Variants in PKM observed in about 807,000 individuals in gnomAD.
PKM encodes pyruvate kinase PKM.
In PKM, 18 loss-of-function variants were observed where a neutral mutation model predicts 49.8. The observed-to-expected ratio is 0.36, with a 90% CI of 0.25 to 0.54. The LOEUF (loss-of-function observed/expected upper bound fraction) is 0.54, where lower values mean the gene tolerates loss of function less well. Ranked by LOEUF, PKM falls within the 20% of genes least tolerant of loss-of-function variation. The probability of loss-of-function intolerance (pLI) is 0.89; values close to 1 mark genes in which losing one functional copy is unlikely to be tolerated. For synonymous variants in PKM, 239 were observed against 261.8 expected, an observed-to-expected ratio of 0.91 and a Z score of 0.84; for missense variants, 508 against 713.8, an observed-to-expected ratio of 0.71 and a Z score of 3.28.
At chr15:72,207,930 A>G (rs1342017595) in intron 6 of PKM, among the ~76,000 whole-genome samples, 2 of 152,252 alleles carry the variant, frequency 1.3e-5, no homozygotes, top group Non-Finnish European at 2.9e-5. Context: ...CTAATCCACA[A>G]GAGTGTGTCT....
chr15:72,225,067 G>T (rs1310007684), intron 1 of PKM, among the ~76,000 whole-genome samples: 1 of 147,296 alleles, frequency 6.8e-6, no homozygotes, highest in African/African-American at 2.5e-5. Flanking sequence ...GACTACAGGC[G>T]CCCGCCACCA....
intron 1 of PKM, chr15:72,228,694 GC>G: frequency 8.9e-7 from 1 of 1,123,234 alleles, no homozygotes; most frequent in Non-Finnish European, 1.2e-6. Context: ...CCACAAGACA[GC>G]CCACTCCTGC....
intron 8 of PKM, chr15:72,203,248 C>T (rs781756693): frequency 7.1e-5 from 101 of 1,421,776 alleles, no homozygotes; most frequent in East Asian, 2.5e-4. Flanking sequence ...AAAAACGAGA[C>T]ACAACACATG....
chr15:72,228,124 G>A (rs1175710096), intron 1 of PKM, among the ~76,000 whole-genome samples: 1 of 152,226 alleles, frequency 6.6e-6, no homozygotes, highest in Non-Finnish European at 1.5e-5. Context: ...GAAAGCAGTT[G>A]TGCTAGACAG....
chr15:72,221,274 G>A (rs1176866237), intron 1 of PKM: 2 of 1,530,888 alleles, frequency 1.3e-6, no homozygotes, highest in Non-Finnish European at 8.7e-7. Flanking sequence ...AATACGGTGT[G>A]CCCTGGAGAG....
intron 8 of PKM, chr15:72,206,383 G>A (rs1049869481): frequency 9.2e-6 from 3 of 326,312 alleles, no homozygotes; most frequent in Non-Finnish European, 1.8e-5. Flanking sequence ...TGAGGAAGAG[G>A]TACAAGACCT....
intron 1 of PKM, among the ~76,000 whole-genome samples, chr15:72,230,705 A>C (rs1480410496): frequency 6.6e-6 from 1 of 152,030 alleles, no homozygotes; most frequent in Non-Finnish European, 1.5e-5. Context: ...GAAGGACCAG[A>C]CTTAAGGAGG....
intron 2 of PKM, among the ~76,000 whole-genome samples, chr15:72,218,483 G>A (rs557294032): frequency 2.0e-5 from 3 of 151,972 alleles, no homozygotes; most frequent in South Asian, 2.1e-4. Context: ...GTGCAGTGGT[G>A]TGATCATGGC....
At chr15:72,208,971 C>T in intron 5 of PKM, 80 bp from the exon 6 acceptor site, 1 of 1,464,408 alleles carries the variant, frequency 6.8e-7, no homozygotes, top group Non-Finnish European at 9.4e-7. Context: ...CCCGCAAGGA[C>T]AGTGAGCTGG....
chr15:72,227,275 A>G (rs2082696629), intron 1 of PKM, among the ~76,000 whole-genome samples: 1 of 152,256 alleles, frequency 6.6e-6, no homozygotes, highest in South Asian at 2.1e-4. Flanking sequence ...TGAAGATGCA[A>G]TAAAACTCTG....
chr15:72,211,847 A>G (rs2082262042), intron 3 of PKM, among the ~76,000 whole-genome samples: 1 of 151,890 alleles, frequency 6.6e-6, no homozygotes. Context: ...CCAAGATGTC[A>G]AAAGAGCTCT....
intron 8 of PKM, among the ~76,000 whole-genome samples, chr15:72,205,800 C>T (rs1377442615): frequency 1.3e-5 from 2 of 152,050 alleles, no homozygotes; most frequent in Non-Finnish European, 2.9e-5. Context: ...TGAGCATGAC[C>T]TAAGACTACT....
At position 72,202,658 on chromosome 15, in the gene PKM, G is replaced by C. The variant is rs779964018; in HGVS notation, c.1141-38C>G. 1.9e-6 allele frequency: 3 copies of C among 1,576,172 alleles called. No homozygotes were observed. The highest frequency in any genetic ancestry group is 2.6e-6 in the Non-Finnish European group (3 of 1,151,146). ...CATCCGTCCAGAGGGACGAGAGGGGGACAGAGCTTTGTCAGAGCTTTGTCA... is the reference window on the plus strand; with the variant it reads ...CATCCGTCCAGAGGGACGAGAGGGGCACAGAGCTTTGTCAGAGCTTTGTCA... On this transcript the variant is annotated intron_variant, in intron 8 of 10. Coordinates refer to ENST00000335181, the MANE Select transcript of PKM (RefSeq NM_002654.6). The surrounding 1 kb of genome is among the most constrained non-coding windows in gnomAD (Gnocchi z 4.5).
At chr15:72,218,827 T>C in intron 2 of PKM, 117 bp downstream of exon 2, 1 of 1,023,910 alleles carries the variant, frequency 9.8e-7, no homozygotes, top group South Asian at 1.4e-5. Flanking sequence ...TTCATAAGAA[T>C]CTGTGTAGTA....
In PKM at chr15:72,209,816, T is replaced by C. The variant is rs961227034; in HGVS notation, c.422A>G (p.Lys141Arg). 4 of 1,614,114 alleles carry C rather than the reference T, an allele frequency of 2.5e-6. No individual in the cohort carries two copies. Among genetic ancestry groups the C allele is most frequent in the South Asian group, 1.1e-5 (1 of 91,088 alleles). The change falls in exon 5 of 11, where the codon AAA becomes AGA. Residue 141 changes from lysine to arginine, a missense_variant. Transcript: ENST00000335181. ...CATGTAGGCGTTATCCAGCGTGATTTTGAGAGTGGCTCCCTTCTTCAGCTC... is the reference window on the plus strand; with the variant it reads ...CATGTAGGCGTTATCCAGCGTGATTCTGAGAGTGGCTCCCTTCTTCAGCTC... Reference protein sequence around the residue: ...EVELKKGATLKITLDNAYMEK... With the variant: ...EVELKKGATLRITLDNAYMEK...
At chr15:72,210,976 C>T (rs1341918926) in intron 3 of PKM, among the ~76,000 whole-genome samples, 1 of 152,130 alleles carries the variant, frequency 6.6e-6, no homozygotes, top group Non-Finnish European at 1.5e-5. Flanking sequence ...CCAACTACAA[C>T]GCAAACTTGA....
At chr15:72,208,567 C>G in intron 6 of PKM, 54 bp downstream of exon 6, 2 of 1,597,886 alleles carry the variant, frequency 1.3e-6, no homozygotes, top group Non-Finnish European at 8.6e-7. Context: ...ACAGGATGGA[C>G]CATGCCCTTC....
chr15:72,205,005 A>G (rs2082036073), intron 8 of PKM, among the ~76,000 whole-genome samples: 1 of 152,214 alleles, frequency 6.6e-6, no homozygotes, highest in Non-Finnish European at 1.5e-5. Context: ...AGAGTATCTA[A>G]GCATCAGAAC....
intron 3 of PKM, among the ~76,000 whole-genome samples, chr15:72,213,627 C>G (rs1157806520): frequency 6.6e-6 from 1 of 152,196 alleles, no homozygotes; most frequent in Admixed American, 6.5e-5. Context: ...GACAGGGTTT[C>G]ACCATGTTGG....
Sources: gnomAD v4.1 joint callset for allele counts (sites outside exome capture counted in the v4.1 genomes callset) on GRCh38, gnomAD v4.1.1 for gene constraint, Gnocchi (gnomAD v3.1) non-coding constraint, MANE v1.5 for transcripts, NCBI Gene and HGNC (gene_info 2026-07-23, HGNC 2026-07-21) for gene names.